The following TRPM3 variants were observed in gnomAD, a reference collection of about 807,000 sequenced individuals.
The protein encoded by TRPM3 is long transient receptor potential channel 3.
Under a neutral mutation model 181.2 loss-of-function variants are expected in TRPM3, and 77 were observed. The ratio of observed to expected loss-of-function variants is 0.42; its 90% CI spans 0.35 to 0.51. The LOEUF (loss-of-function observed/expected upper bound fraction) is 0.51, where lower values mean the gene tolerates loss of function less well. Ranked by LOEUF, TRPM3 falls within the 20% of genes least tolerant of loss-of-function variation. The pLI, the probability that TRPM3 is intolerant of heterozygous loss-of-function variation, is 0.01. For missense variants in TRPM3, 1,759 were observed against 2,196.7 expected, an observed-to-expected ratio of 0.80 and a Z score of 3.98; for synonymous variants, 745 against 796.4, an observed-to-expected ratio of 0.94 and a Z score of 1.09.
intron 8 of TRPM3, among the ~76,000 whole-genome samples, chr9:70,750,582 T>G (rs2135056408): frequency 6.6e-6 from 1 of 152,178 alleles, no homozygotes; most frequent in Non-Finnish European, 1.5e-5. Flanking sequence ...AGGCTCAGAA[T>G]GAGGATGATG....
chr9:70,603,493 G>A (rs2060456052), intron 19 of TRPM3, 23 bp from the exon 20 acceptor site: 2 of 1,612,098 alleles, frequency 1.2e-6, no homozygotes, highest in East Asian at 2.2e-5. Flanking sequence ...ACAATACAGT[G>A]CTCTGGCTGT....
intron 8 of TRPM3, among the ~76,000 whole-genome samples, chr9:70,687,640 G>A (rs1212961268): frequency 6.6e-6 from 1 of 152,132 alleles, no homozygotes; most frequent in Non-Finnish European, 1.5e-5. Context: ...ATGGAATTTT[G>A]ATTCTCACGT....
chr9:71,220,065 T>C (rs2080137586), intron 1 of TRPM3, among the ~76,000 whole-genome samples: 1 of 152,198 alleles, frequency 6.6e-6, no homozygotes, highest in East Asian at 1.9e-4. Flanking sequence ...TTATAATTCA[T>C]TGTTTATTGT....
chr9:71,288,042 ATAC>A (rs1475770749), intron 1 of TRPM3, among the ~76,000 whole-genome samples: 1 of 152,132 alleles, frequency 6.6e-6, no homozygotes, highest in African/African-American at 2.4e-5. Flanking sequence ...GTCACAGAAA[ATAC>A]TACATATTAA....
At chr9:70,880,421 T>G (rs2095966703) in intron 1 of TRPM3, among the ~76,000 whole-genome samples, 1 of 152,102 alleles carries the variant, frequency 6.6e-6, no homozygotes, top group African/African-American at 2.4e-5. Flanking sequence ...ATGGAAAAGT[T>G]CAGACTTTTA....
intron 1 of TRPM3, among the ~76,000 whole-genome samples, chr9:70,912,002 G>A (rs780588555): frequency 6.6e-6 from 1 of 152,168 alleles, no homozygotes; most frequent in African/African-American, 2.4e-5. Context: ...GGCCTGGAAG[G>A]AGGCAGTTGG....
chr9:70,760,667 T>TG (rs2077966516), intron 8 of TRPM3: 1 of 59,332 alleles, frequency 1.7e-5, no homozygotes, highest in Non-Finnish European at 5.3e-5. Context: ...AATCAATTCC[T>TG]TTTTTTTTTT....
intron 1 of TRPM3, among the ~76,000 whole-genome samples, chr9:71,075,069 G>A (rs976076430): frequency 1.3e-5 from 2 of 152,024 alleles, no homozygotes; most frequent in African/African-American, 4.8e-5. Context: ...AGAAGTCATT[G>A]ACTTCTAGTC....
intron 1 of TRPM3, among the ~76,000 whole-genome samples, chr9:71,420,575 A>T (rs1338619937): frequency 6.7e-6 from 1 of 150,018 alleles, no homozygotes; most frequent in Non-Finnish European, 1.5e-5. Flanking sequence ...AAAAGAGAAG[A>T]GAAAGAGAAA....
At chr9:71,034,017 G>A (rs149511793) in intron 1 of TRPM3, among the ~76,000 whole-genome samples, 190 of 152,276 alleles carry the variant, frequency 1.2e-3, no homozygotes, top group African/African-American at 4.3e-3. Context: ...AGAAACTGGA[G>A]TACTCAGAGA....
intron 6 of TRPM3, chr9:70,825,454 C>G (rs1447057875): frequency 6.6e-6 from 1 of 152,284 alleles, no homozygotes; most frequent in East Asian, 1.9e-4. Context: ...TGCCTCTCCC[C>G]TCCTTTGTAC....
chr9:70,559,569 T>A (rs796362182), intron 22 of TRPM3, among the ~76,000 whole-genome samples: 109 of 152,290 alleles, frequency 7.2e-4, no homozygotes, highest in African/African-American at 2.5e-3. Context: ...TGACAGACGT[T>A]GCCAATTAAT....
chr9:71,230,658 C>G (rs993075166), intron 1 of TRPM3, among the ~76,000 whole-genome samples: 7 of 152,148 alleles, frequency 4.6e-5, no homozygotes, highest in Non-Finnish European at 1.0e-4. Context: ...TGCAGCAGAA[C>G]AATTTCTGCC....
intron 1 of TRPM3, among the ~76,000 whole-genome samples, chr9:71,025,872 T>C (rs1174949104): frequency 1.3e-5 from 2 of 152,092 alleles, no homozygotes; most frequent in Non-Finnish European, 2.9e-5. Flanking sequence ...TGAGAGCAGA[T>C]GAAGGGAAGA....
chr9:70,942,360 A>G (rs561994898), intron 1 of TRPM3, among the ~76,000 whole-genome samples: 1 of 152,332 alleles, frequency 6.6e-6, no homozygotes, highest in Admixed American at 6.5e-5. Flanking sequence ...TACTATAAAC[A>G]TATCTAGGCC....
At chr9:70,809,519 G>A (rs35519173) in intron 6 of TRPM3, among the ~76,000 whole-genome samples, 46,535 of 151,924 alleles carry the variant, frequency 0.31, 8,504 homozygotes, top group African/African-American at 0.51. Context: ...TCGTGTTACA[G>A]TTGCCTACAG....
intron 1 of TRPM3, among the ~76,000 whole-genome samples, chr9:71,277,429 TTTTG>T (rs1201154215): frequency 1.2e-4 from 18 of 152,342 alleles, no homozygotes; most frequent in Admixed American, 1.0e-3. Flanking sequence ...ATAGTTTTGT[TTTTG>T]TTTGTTATAA....
intron 1 of TRPM3, among the ~76,000 whole-genome samples, chr9:71,365,172 T>C (rs1219164561): frequency 6.6e-6 from 1 of 152,174 alleles, no homozygotes; most frequent in African/African-American, 2.4e-5. Context: ...CTGTGACCCC[T>C]GGCTACCTGG....
chr9:70,813,621 T>A (rs2092372400), intron 6 of TRPM3, among the ~76,000 whole-genome samples: 1 of 152,084 alleles, frequency 6.6e-6, no homozygotes, highest in Non-Finnish European at 1.5e-5. Context: ...TATACGCTTG[T>A]AACAAAACTG....
Sources: allele counts gnomAD v4.1 joint callset (sites outside exome capture counted in the v4.1 genomes callset), GRCh38; gene constraint gnomAD v4.1.1; transcripts MANE v1.5; gene names NCBI Gene and HGNC (gene_info 2026-07-23, HGNC 2026-07-21).